The following SLC44A5 variants were observed in gnomAD, a reference collection of about 807,000 sequenced individuals.
The protein encoded by SLC44A5 is solute carrier family 44 member 5.
A neutral mutation model predicts 101.8 loss-of-function variants in SLC44A5; 57 were observed. The ratio of observed to expected loss-of-function variants is 0.56; its 90% CI spans 0.45 to 0.70. SLC44A5 has a LOEUF of 0.70. Among genes scored for constraint, SLC44A5 ranks in the 30% least tolerant of loss-of-function variants. The pLI is 0.00. For missense variants in SLC44A5, 737 were observed against 853.1 expected (o/e 0.86, Z 1.70); for synonymous variants, 281 against 290.9 (o/e 0.97, Z 0.35).
At chr1:75,262,212 G>T (rs113380117) in intron 6 of SLC44A5, among the ~76,000 whole-genome samples, 1 of 152,276 alleles carries the variant, frequency 6.6e-6, no homozygotes, top group African/African-American at 2.4e-5. Flanking sequence ...GTTTGCAGAT[G>T]ACATGATTGT....
At chr1:75,693,526 G>A in the SLC44A5 span, among the ~76,000 whole-genome samples, 3,151 of 152,238 alleles carry the variant, frequency 0.021, 113 homozygotes, top group African/African-American at 0.072. Flanking sequence ...TGGGTACTGA[G>A]TAAAAGACCA....
intron 2 of SLC44A5, among the ~76,000 whole-genome samples, chr1:75,450,157 G>A (rs1665823383): frequency 6.6e-6 from 1 of 152,162 alleles, no homozygotes; most frequent in Non-Finnish European, 1.5e-5. Flanking sequence ...CCAATTTGCT[G>A]ATAAAAGCGA....
chr1:75,239,908 A>G (rs1364602853), intron 9 of SLC44A5, among the ~76,000 whole-genome samples: 1 of 152,042 alleles, frequency 6.6e-6, no homozygotes, highest in Non-Finnish European at 1.5e-5. Flanking sequence ...TCCTTGGCAT[A>G]TTGAAACTCT....
intron 10 of SLC44A5, among the ~76,000 whole-genome samples, chr1:75,237,463 G>A (rs7534079): frequency 0.29 from 43,582 of 151,900 alleles, 8,021 homozygotes; most frequent in East Asian, 0.76. Flanking sequence ...AGTAAGGCAT[G>A]ATGGAACACA....
chr1:75,353,786 G>A (rs943369817), intron 3 of SLC44A5, among the ~76,000 whole-genome samples: 2 of 152,194 alleles, frequency 1.3e-5, no homozygotes, highest in African/African-American at 2.4e-5. Flanking sequence ...AAAGTCACAA[G>A]GCAGGATTAA....
chr1:75,591,930 A>G (rs375531083), intron 1 of SLC44A5, among the ~76,000 whole-genome samples: 32 of 152,298 alleles, frequency 2.1e-4, no homozygotes, highest in African/African-American at 7.5e-4. Flanking sequence ...TGTCTACTGA[A>G]TAGGGAAAAA....
chr1:75,445,557 A>ATATTACAT (rs1557791779), intron 2 of SLC44A5, among the ~76,000 whole-genome samples: 12 of 149,218 alleles, frequency 8.0e-5, no homozygotes, highest in South Asian at 2.1e-4. Flanking sequence ...ATATATGTAT[A>ATATTACAT]AATTATATAT....
At chr1:75,548,115 T>A (rs1028517271) in intron 1 of SLC44A5, among the ~76,000 whole-genome samples, 4 of 152,178 alleles carry the variant, frequency 2.6e-5, no homozygotes. Context: ...ACAATATTTT[T>A]CCATGAACTT....
intron 2 of SLC44A5, among the ~76,000 whole-genome samples, chr1:75,455,668 A>C (rs1175683875): frequency 6.6e-6 from 1 of 152,146 alleles, no homozygotes; most frequent in African/African-American, 2.4e-5. Flanking sequence ...CAAGCAAAAA[A>C]CAAATAACCC....
intron 4 of SLC44A5, among the ~76,000 whole-genome samples, chr1:75,317,336 A>G (rs1187190997): frequency 6.6e-6 from 1 of 152,182 alleles, no homozygotes; most frequent in African/African-American, 2.4e-5. Context: ...CCCACACATG[A>G]GTGAGAAGGG....
At chr1:75,698,765 G>T in the SLC44A5 span, among the ~76,000 whole-genome samples, 1 of 152,186 alleles carries the variant, frequency 6.6e-6, no homozygotes. Context: ...AAAAAATTTA[G>T]AAGAATGTAT....
At chr1:75,243,710 T>A (rs886622666) in intron 7 of SLC44A5, among the ~76,000 whole-genome samples, 1 of 152,020 alleles carries the variant, frequency 6.6e-6, no homozygotes, top group Non-Finnish European at 1.5e-5. Context: ...ATATTGTTAC[T>A]GGTATAGTTT....
intron 2 of SLC44A5, among the ~76,000 whole-genome samples, chr1:75,401,533 A>C (rs1469817731): frequency 6.6e-6 from 1 of 152,194 alleles, no homozygotes; most frequent in African/African-American, 2.4e-5. Flanking sequence ...GCATGGCCAG[A>C]GATCCTATGA....
chr1:75,414,683 G>T (rs1185713368), intron 2 of SLC44A5, among the ~76,000 whole-genome samples: 1 of 152,220 alleles, frequency 6.6e-6, no homozygotes, highest in Non-Finnish European at 1.5e-5. Context: ...AGACAGGCAG[G>T]AGTTAAATAG....
chr1:75,285,154 A>G (rs1652935427), intron 5 of SLC44A5, among the ~76,000 whole-genome samples: 1 of 151,880 alleles, frequency 6.6e-6, no homozygotes, highest in Non-Finnish European at 1.5e-5. Context: ...GTTGTTGGCA[A>G]TTTTAAAATT....
At chr1:75,507,550 C>T (rs117398699) in intron 2 of SLC44A5, among the ~76,000 whole-genome samples, 14 of 151,988 alleles carry the variant, frequency 9.2e-5, no homozygotes, top group Admixed American at 2.0e-4. Context: ...GGTACTATGG[C>T]GAGGCTGGCT....
At chr1:75,548,142 A>G (rs1164145114) in intron 1 of SLC44A5, among the ~76,000 whole-genome samples, 1 of 152,112 alleles carries the variant, frequency 6.6e-6, no homozygotes, top group Non-Finnish European at 1.5e-5. Flanking sequence ...GTCTCCTCAC[A>G]TCTCTAGTTT....
intron 2 of SLC44A5, among the ~76,000 whole-genome samples, chr1:75,446,206 AT>A (rs1553181595): frequency 4.6e-5 from 7 of 152,090 alleles, no homozygotes; most frequent in South Asian, 2.1e-4. Context: ...AAAACTTTCC[AT>A]TTTTTTATAG....
chr1:75,397,728 A>C (rs545949003), intron 2 of SLC44A5, among the ~76,000 whole-genome samples: 1 of 152,262 alleles, frequency 6.6e-6, no homozygotes, highest in African/African-American at 2.4e-5. Flanking sequence ...ATCTTTGTTT[A>C]AAGTCACACT....
Sources: gnomAD v4.1 joint callset for allele counts (sites outside exome capture counted in the v4.1 genomes callset) on GRCh38, gnomAD v4.1.1 for gene constraint, MANE v1.5 for transcripts, NCBI Gene and HGNC (gene_info 2026-07-23, HGNC 2026-07-21) for gene names.